WDFY2: variants seen among roughly 807,000 people sequenced by gnomAD.
The protein encoded by WDFY2 is WD repeat and FYVE domain-containing protein 2.
A neutral mutation model predicts 56.4 loss-of-function variants in WDFY2; 36 were observed. That is an observed-to-expected ratio of 0.64 (90% CI 0.49 to 0.84). The LOEUF is 0.84. Ranked by LOEUF, WDFY2 falls within the 40% of genes least tolerant of loss-of-function variation. The pLI, the probability that WDFY2 is intolerant of heterozygous loss-of-function variation, is 0.00. For synonymous variants in WDFY2, 176 were observed against 183.7 expected (o/e 0.96, Z 0.34); for missense variants, 444 against 512.2 (o/e 0.87, Z 1.29).
At chr13:51,717,918 T>G (rs1952395003) in intron 4 of WDFY2, among the ~76,000 whole-genome samples, 1 of 152,176 alleles carries the variant, frequency 6.6e-6, no homozygotes, top group Non-Finnish European at 1.5e-5. Flanking sequence ...CTGACTGTAT[T>G]GTATGGTAGC....
In WDFY2 at chr13:51,765,731, AG is replaced by A. The variant is rs1953725632; in HGVS notation, c.*5964del. On this transcript the variant is annotated 3_prime_UTR_variant, in exon 12 of 12. Coordinates refer to ENST00000298125, the MANE Select transcript of WDFY2 (RefSeq NM_052950.4). ...GGACTTTTTCCATCTAGAGCCTGCTAGGTTTGGTTTTGAGAAAAGATGGTGA... is the reference window on the plus strand; with the variant it reads ...GGACTTTTTCCATCTAGAGCCTGCTAGTTTGGTTTTGAGAAAAGATGGTGA... The A allele has an allele frequency of 6.6e-6, 1 of 152,162 alleles. No homozygotes were observed. Among genetic ancestry groups the A allele is most frequent in the African/African-American group, 2.4e-5 (1 of 41,444 alleles). The allele number at this position is 152,162 out of a possible 1,614,324, so 9.4% of individuals were successfully genotyped here.
chr13:51,609,458 A>G (rs1954447793), intron 1 of WDFY2, among the ~76,000 whole-genome samples: 1 of 152,180 alleles, frequency 6.6e-6, no homozygotes, highest in African/African-American at 2.4e-5. Flanking sequence ...TACAAGAACT[A>G]AAAATAAAGT....
Position 51,694,440 on chromosome 13 carries a change from T to C in WDFY2, c.280-9156T>C, listed in dbSNP as rs558739854. Among the ~76,000 whole-genome samples, 9 of 152,348 alleles carry C rather than the reference T, an allele frequency of 5.9e-5. No homozygotes were observed. The South Asian group carries it at 1.4e-3, about 25-fold the overall frequency. On this transcript the variant is annotated intron_variant, in intron 3 of 11. Coordinates refer to ENST00000298125, the MANE Select transcript of WDFY2 (RefSeq NM_052950.4). ...AAGTATTTTATTTCTCCTTCACTTATGAAGTTTAGTTTGGCTGGATATGAA... is the reference window on the plus strand; with the variant it reads ...AAGTATTTTATTTCTCCTTCACTTACGAAGTTTAGTTTGGCTGGATATGAA...
intron 7 of WDFY2, 35 bp from the exon 8 acceptor site, chr13:51,751,275 C>G (rs752789157): frequency 6.2e-7 from 1 of 1,604,050 alleles, no homozygotes; most frequent in Non-Finnish European, 8.5e-7. Context: ...CATTTGTTCT[C>G]CTAAACTGTC....
intron 7 of WDFY2, among the ~76,000 whole-genome samples, chr13:51,743,481 A>G (rs1367280129): frequency 1.3e-5 from 2 of 152,260 alleles, no homozygotes; most frequent in Non-Finnish European, 2.9e-5. Context: ...TAATCAGCCC[A>G]GGAGTACAGG....
intron 1 of WDFY2, among the ~76,000 whole-genome samples, chr13:51,598,905 CTTTTTTTTTT>C (rs569169884): frequency 8.6e-6 from 1 of 115,780 alleles, no homozygotes; most frequent in Non-Finnish European, 1.8e-5. Flanking sequence ...GTGCCATTTA[CTTTTTTTTTT>C]TTTTTTTTTT....
In WDFY2 at chr13:51,665,893, C is replaced by G. The variant is rs112581535; in HGVS notation, c.205+5230C>G. ...AAACAAGACATTTTTTTCATTTTTT[C>G]AAAGGTAGTTACAAATAAAGAGGCA... On this transcript the variant is annotated intron_variant, in intron 2 of 11. Transcript: ENST00000298125. 2.1e-3 allele frequency among the ~76,000 whole-genome samples: 315 copies of G among 151,898 alleles called. 1 individual carries two copies. The highest frequency in any genetic ancestry group is 5.9e-3 in the African/African-American group (246 of 41,466).
chr13:51,681,346 G>A (rs986685944), intron 3 of WDFY2, among the ~76,000 whole-genome samples: 3 of 152,162 alleles, frequency 2.0e-5, no homozygotes, highest in African/African-American at 4.8e-5. Flanking sequence ...GACTTCTAGT[G>A]TGATACCATT....
At chr13:51,652,905 G>GT (rs1316057799) in intron 1 of WDFY2, among the ~76,000 whole-genome samples, 12 of 152,184 alleles carry the variant, frequency 7.9e-5, no homozygotes, top group Non-Finnish European at 1.8e-4. Context: ...GTCTCGAGGA[G>GT]TATCTTTGTG....
Position 51,751,335 on chromosome 13 carries a change from G to T in WDFY2, c.751G>T (p.Ala251Ser). 1 of 1,613,936 alleles carries T rather than the reference G, an allele frequency of 6.2e-7. No individual in the cohort carries two copies. Among genetic ancestry groups the T allele is most frequent in the Non-Finnish European group, 8.5e-7 (1 of 1,179,884 alleles). ...CGACAGAGTCCAGGCCCTCTCCTAT[G>T]CACAGCACACGCGACAATTGATCTC... is the stretch of plus-strand genomic sequence containing the variant. The part of the protein sequence containing the change: ...HNDRVQALSY[A>S]QHTRQLISCG... Residue 251 changes from alanine to serine, a missense_variant, in exon 8 of 12, where the codon GCA (alanine) becomes TCA (serine). Transcript: ENST00000298125.
chr13:51,714,927 T>C (rs1952310096), intron 4 of WDFY2, among the ~76,000 whole-genome samples: 1 of 152,202 alleles, frequency 6.6e-6, no homozygotes, highest in African/African-American at 2.4e-5. Context: ...GTGTTACTGT[T>C]ATGAATACTG....
In WDFY2 at chr13:51,763,548, G is replaced by GAAC. The variant is rs1953655009; in HGVS notation, c.*3781_*3783dup. ...GTGCCATGGCTCACACCTATAATCTGAACACTTTGGGAGGACAAGGTGGGA... is the reference window on the plus strand; with the variant it reads ...GTGCCATGGCTCACACCTATAATCTGAACAACACTTTGGGAGGACAAGGTGGGA... On this transcript the variant is annotated 3_prime_UTR_variant, in exon 12 of 12. Transcript: ENST00000298125. The GAAC allele has an allele frequency of 1.3e-5, 2 of 152,204 alleles. No individual in the cohort carries two copies. The highest frequency in any genetic ancestry group is 2.9e-5 in the Non-Finnish European group (2 of 68,044). 9.4% of individuals were successfully genotyped at this position (152,204 alleles called of 1,614,324 possible).
At position 51,621,425 on chromosome 13, in the gene WDFY2, A is replaced by C. The variant is rs139009437; in HGVS notation, c.137+36601A>C. On this transcript the variant is annotated intron_variant, in intron 1 of 11. Coordinates refer to ENST00000298125, the MANE Select transcript of WDFY2 (RefSeq NM_052950.4). ...GAGGCTGAGGCAGGAGAATCGCTTG[A>C]ACCCGGGAGGCGGAGTTTGCAGTGA... 7.4e-3 allele frequency among the ~76,000 whole-genome samples: 1,128 copies of C among 152,232 alleles called. 12 individuals carry two copies. Among genetic ancestry groups the C allele is most frequent in the African/African-American group, 0.026 (1,071 of 41,540 alleles).
intron 3 of WDFY2, among the ~76,000 whole-genome samples, chr13:51,693,782 G>GTTGT (rs1951800514): frequency 6.6e-6 from 1 of 152,148 alleles, no homozygotes; most frequent in South Asian, 2.1e-4. Flanking sequence ...TGACAGTGGG[G>GTTGT]TGTTCAAGTC....
intron 9 of WDFY2, 53 bp from the exon 10 acceptor site, chr13:51,756,279 C>T (rs1953379011): frequency 5.7e-6 from 9 of 1,570,520 alleles, no homozygotes; most frequent in Non-Finnish European, 7.8e-6. Flanking sequence ...GATGCGGGGG[C>T]CTCAGGAGCT....
chr13:51,701,243 C>T (rs1364362121), intron 3 of WDFY2, among the ~76,000 whole-genome samples: 1 of 151,842 alleles, frequency 6.6e-6, no homozygotes, highest in African/African-American at 2.4e-5. Context: ...AATAACAAGG[C>T]TGGGTGTGGT....
chr13:51,711,963 T>C (rs1952228741), intron 4 of WDFY2, among the ~76,000 whole-genome samples: 1 of 152,236 alleles, frequency 6.6e-6, no homozygotes, highest in Admixed American at 6.5e-5. Context: ...GGTTTATAAA[T>C]CATCCTGCTA....
At position 51,763,755 on chromosome 13, in the gene WDFY2, A is replaced by G. The variant is rs1423772257; in HGVS notation, c.*3986A>G. On this transcript the variant is annotated 3_prime_UTR_variant, in exon 12 of 12. Coordinates refer to ENST00000298125, the MANE Select transcript of WDFY2 (RefSeq NM_052950.4). The stretch of plus-strand genomic sequence containing the variant: ...CAAGGATGCAGTGAGCTATGATTGC[A>G]CTACTGCAGTCCAGCCTGGGCAGCA... 1.3e-5 allele frequency: 2 copies of G among 152,234 alleles called. No individual in the cohort carries two copies. Among genetic ancestry groups the G allele is most frequent in the Non-Finnish European group, 1.5e-5 (1 of 68,034 alleles). The allele number at this position is 152,234 out of a possible 1,614,324, so 9.4% of individuals were successfully genotyped here.
At chr13:51,650,026 G>A (rs1445647491) in intron 1 of WDFY2, among the ~76,000 whole-genome samples, 8 of 151,890 alleles carry the variant, frequency 5.3e-5, no homozygotes, top group Admixed American at 6.6e-5. Context: ...CCATTATCAC[G>A]ATATTGATTC....
Sources: gnomAD v4.1 joint callset for allele counts (sites outside exome capture counted in the v4.1 genomes callset) on GRCh38, gnomAD v4.1.1 for gene constraint, MANE v1.5 for transcripts, NCBI Gene and HGNC (gene_info 2026-07-23, HGNC 2026-07-21) for gene names.